Variants in KALRN observed in about 807,000 individuals in gnomAD.
KALRN encodes kalirin.
A neutral mutation model predicts 353.7 loss-of-function variants in KALRN; 70 were observed. That is an observed-to-expected ratio of 0.20 (90% CI 0.16 to 0.24). KALRN has a LOEUF of 0.24. Among genes scored for constraint, KALRN ranks in the 10% least tolerant of loss-of-function variants. The pLI, the probability that KALRN is intolerant of heterozygous loss-of-function variation, is 1.00. For synonymous variants in KALRN, 1,391 were observed against 1,434.8 expected (o/e 0.97, Z 0.69); for missense variants, 2,791 against 3,756.7 (o/e 0.74, Z 6.72).
At chr3:124,300,862 C>G (rs755674672) in intron 6 of KALRN, among the ~76,000 whole-genome samples, 4 of 152,204 alleles carry the variant, frequency 2.6e-5, no homozygotes, top group Non-Finnish European at 5.9e-5. Flanking sequence ...TGTAAAGACT[C>G]ATTTTCTTCC....
intron 33 of KALRN, among the ~76,000 whole-genome samples, chr3:124,507,378 C>G (rs2065353427): frequency 6.6e-6 from 1 of 152,084 alleles, no homozygotes; most frequent in Non-Finnish European, 1.5e-5. Flanking sequence ...GACAATACTG[C>G]CAACAGGGGA....
intron 32 of KALRN, among the ~76,000 whole-genome samples, chr3:124,495,990 T>TATATATATACAC (rs1561136843): frequency 8.5e-5 from 5 of 58,502 alleles, no homozygotes; most frequent in African/African-American, 4.3e-4. Flanking sequence ...TATATATATA[T>TATATATATACAC]ATATATATAT....
At chr3:124,076,715 AGAT>A (rs1401416673) in intron 1 of KALRN, among the ~76,000 whole-genome samples, 1 of 152,194 alleles carries the variant, frequency 6.6e-6, no homozygotes, top group African/African-American at 2.4e-5. Context: ...ACCCATGTAT[AGAT>A]GATGAGTGGC....
At chr3:124,528,903 T>C (rs1450773809) in intron 33 of KALRN, among the ~76,000 whole-genome samples, 2 of 152,198 alleles carry the variant, frequency 1.3e-5, no homozygotes, top group Non-Finnish European at 2.9e-5. Flanking sequence ...GGATCTATAC[T>C]TGTGCTCAGC....
At chr3:124,079,173 C>T (rs2060410453) in intron 1 of KALRN, among the ~76,000 whole-genome samples, 1 of 152,102 alleles carries the variant, frequency 6.6e-6, no homozygotes, top group African/African-American at 2.4e-5. Context: ...ACATGATCTG[C>T]AGCTGCAGAG....
At chr3:124,285,497 A>C (rs2075746462) in intron 5 of KALRN, among the ~76,000 whole-genome samples, 1 of 152,186 alleles carries the variant, frequency 6.6e-6, no homozygotes, top group African/African-American at 2.4e-5. Context: ...GTATCCTTTA[A>C]ATTTATACAA....
intron 4 of KALRN, 192 bp from the exon 5 acceptor site, chr3:124,268,551 G>A (rs954955098): frequency 1.6e-6 from 1 of 610,442 alleles, no homozygotes; most frequent in Non-Finnish European, 2.9e-6. Flanking sequence ...GCAGTCAGCA[G>A]TCTGTAGAAA....
At chr3:124,189,935 C>CAAAAAAAAAAAAAAAAA in intron 1 of KALRN, among the ~76,000 whole-genome samples, 1 of 69,456 alleles carries the variant, frequency 1.4e-5, no homozygotes, top group Non-Finnish European at 3.1e-5. Context: ...AAGACTCTGT[C>CAAAAAAAAAAAAAAAAA]AAAAAAAAAA....
chr3:124,514,038 A>G (rs1470352520), intron 33 of KALRN, among the ~76,000 whole-genome samples: 1 of 152,186 alleles, frequency 6.6e-6, no homozygotes, highest in East Asian at 1.9e-4. Flanking sequence ...TCAGTCCTTG[A>G]AAAGAGCTGA....
intron 15 of KALRN, among the ~76,000 whole-genome samples, chr3:124,427,242 G>A (rs1041795607): frequency 1.3e-5 from 2 of 152,144 alleles, no homozygotes; most frequent in East Asian, 1.9e-4. Flanking sequence ...ATATGGCCAC[G>A]GTCTATAAAA....
chr3:124,266,890 G>A (rs1205004729), intron 4 of KALRN, among the ~76,000 whole-genome samples: 1 of 152,184 alleles, frequency 6.6e-6, no homozygotes, highest in African/African-American at 2.4e-5. Context: ...GTGACAACAA[G>A]CCTATAGATG....
intron 1 of KALRN, among the ~76,000 whole-genome samples, chr3:124,037,925 G>C (rs1369963623): frequency 6.6e-6 from 1 of 152,142 alleles, no homozygotes; most frequent in Non-Finnish European, 1.5e-5. Context: ...AAGCATGGGG[G>C]GGGCGACTCA....
intron 33 of KALRN, among the ~76,000 whole-genome samples, chr3:124,523,786 T>G (rs889899347): frequency 1.3e-4 from 20 of 152,250 alleles, no homozygotes; most frequent in African/African-American, 4.8e-4. Context: ...CTGTCTCCTC[T>G]TGGTGAGACA....
intron 51 of KALRN, among the ~76,000 whole-genome samples, chr3:124,684,712 C>T (rs1330348142): frequency 2.0e-5 from 3 of 152,154 alleles, no homozygotes; most frequent in Non-Finnish European, 2.9e-5. Flanking sequence ...AGATCCCGAC[C>T]GAAGAGGACG....
At chr3:124,088,217 G>A (rs2060925179) in intron 1 of KALRN, among the ~76,000 whole-genome samples, 1 of 152,080 alleles carries the variant, frequency 6.6e-6, no homozygotes, top group Non-Finnish European at 1.5e-5. Flanking sequence ...CAGGAACTTC[G>A]TAGTTTCTTT....
intron 10 of KALRN, among the ~76,000 whole-genome samples, chr3:124,375,468 T>C (rs2086464758): frequency 6.6e-6 from 1 of 152,188 alleles, no homozygotes; most frequent in African/African-American, 2.4e-5. Context: ...GCCCTGACTC[T>C]GCCTTCCACA....
chr3:124,172,736 A>G (rs775100973), intron 1 of KALRN, among the ~76,000 whole-genome samples: 2 of 152,060 alleles, frequency 1.3e-5, no homozygotes, highest in Admixed American at 6.6e-5. Context: ...AACCCTCTCA[A>G]TGCTGTGCTC....
intron 57 of KALRN, among the ~76,000 whole-genome samples, chr3:124,706,543 G>A (rs1302951014): frequency 6.6e-6 from 1 of 151,902 alleles, no homozygotes; most frequent in East Asian, 1.9e-4. Context: ...TCACCCACAA[G>A]CTCAGAGCTT....
chr3:124,099,961 C>T (rs369182563), intron 1 of KALRN, among the ~76,000 whole-genome samples: 7 of 152,206 alleles, frequency 4.6e-5, no homozygotes, highest in South Asian at 2.1e-4. Context: ...GTCAGGAGTT[C>T]GAGACCAGCC....
Sources: allele counts gnomAD v4.1 joint callset (sites outside exome capture counted in the v4.1 genomes callset), GRCh38; gene constraint gnomAD v4.1.1; transcripts MANE v1.5; gene names NCBI Gene and HGNC (gene_info 2026-07-23, HGNC 2026-07-21).